Variants in DNAH3 observed in about 807,000 individuals in gnomAD.
The protein encoded by DNAH3 is dynein axonemal heavy chain 3, also known as axonemal beta dynein heavy chain 3.
DNAH3 carries 332 observed loss-of-function variants against 432.5 expected under a neutral mutation model. The ratio of observed to expected loss-of-function variants is 0.77; its 90% CI spans 0.70 to 0.84. The LOEUF (loss-of-function observed/expected upper bound fraction) is 0.84. Ranked by LOEUF, DNAH3 falls within the 40% of genes least tolerant of loss-of-function variation. DNAH3 has a pLI of 0.00. For synonymous variants in DNAH3, 1,956 were observed against 1,900.2 expected, an observed-to-expected ratio of 1.03 and a Z score of -0.76; for missense variants, 4,861 against 5,114.0, an observed-to-expected ratio of 0.95 and a Z score of 1.51.
intron 28 of DNAH3, 131 bp downstream of exon 28, chr16:21,054,289 C>G (rs1156846154): frequency 4.4e-6 from 3 of 679,324 alleles, no homozygotes; most frequent in Admixed American, 2.9e-5. Context: ...TCATCTTACT[C>G]TCAGTTGGAG....
At chr16:21,056,338 C>T (rs2090130913) in intron 27 of DNAH3, among the ~76,000 whole-genome samples, 1 of 151,668 alleles carries the variant, frequency 6.6e-6, no homozygotes, top group Admixed American at 6.6e-5. Context: ...TCCTAACTTC[C>T]CTCCCCTCAC....
intron 41 of DNAH3, among the ~76,000 whole-genome samples, chr16:21,013,719 C>CAAAAAAA (rs557641711): frequency 4.2e-5 from 2 of 47,396 alleles, no homozygotes; most frequent in African/African-American, 1.7e-4. Flanking sequence ...AACTCCATCT[C>CAAAAAAA]AAAAAAAAAA....
intron 15 of DNAH3, among the ~76,000 whole-genome samples, chr16:21,105,249 G>A (rs2091920454): frequency 6.6e-6 from 1 of 151,202 alleles, no homozygotes; most frequent in Non-Finnish European, 1.5e-5. Context: ...ACCTCCCCCT[G>A]ACATCCATAC....
Position 20,953,162 on chromosome 16 carries a change from TG to T in DNAH3, c.11072-614del, listed in dbSNP as rs1173764928. 1.3e-4 allele frequency among the ~76,000 whole-genome samples: 19 copies of T among 149,490 alleles called. No homozygotes were observed. In the East Asian group the frequency reaches 3.0e-3, roughly 24 times the overall value. ...TTGTTTGTTTTGTTTTTTTGTTTGTTGTTTTTTTTTTTTGGAGACAGAGTCT... is the reference window on the plus strand; with the variant it reads ...TTGTTTGTTTTGTTTTTTTGTTTGTTTTTTTTTTTTTTGGAGACAGAGTCT... On this transcript the variant is annotated intron_variant, in intron 55 of 61. Transcript: ENST00000261383.
At chr16:20,945,576 C>T (rs142247393) in intron 57 of DNAH3, among the ~76,000 whole-genome samples, 23 of 151,958 alleles carry the variant, frequency 1.5e-4, no homozygotes, top group African/African-American at 1.4e-4. Context: ...CTGTAACCTC[C>T]GCCTCCTGGA....
At chr16:20,954,231 A>G (rs2084453313) in intron 55 of DNAH3, among the ~76,000 whole-genome samples, 2 of 151,492 alleles carry the variant, frequency 1.3e-5, no homozygotes, top group Non-Finnish European at 2.9e-5. Flanking sequence ...TCAAAAAAAA[A>G]AAAAAAAATT....
intron 57 of DNAH3, among the ~76,000 whole-genome samples, chr16:20,948,174 C>T (rs533535896): frequency 2.0e-5 from 3 of 152,138 alleles, no homozygotes; most frequent in Non-Finnish European, 4.4e-5. Context: ...TCTGAATCTT[C>T]GTCTTCAAGT....
intron 61 of DNAH3, 104 bp downstream of exon 61, chr16:20,935,244 C>T: frequency 7.4e-7 from 1 of 1,357,018 alleles, no homozygotes. Flanking sequence ...ATTTCAGAAG[C>T]ATTTGGGTCT....
intron 57 of DNAH3, among the ~76,000 whole-genome samples, chr16:20,945,552 A>G (rs980581395): frequency 6.7e-6 from 1 of 150,050 alleles, no homozygotes; most frequent in Admixed American, 6.7e-5. Flanking sequence ...GTGCAGTGGT[A>G]CTATCTTGGC....
At chr16:20,933,116 T>G in exon 62 of DNAH3, 2 of 1,567,874 alleles carry the variant, frequency 1.3e-6, no homozygotes, top group Non-Finnish European at 1.7e-6. Flanking sequence ...ACAAAAAGAA[T>G]GAAATGCTTT....
chr16:21,146,629 T>C (rs989627827), intron 1 of DNAH3, among the ~76,000 whole-genome samples: 4 of 152,236 alleles, frequency 2.6e-5, no homozygotes, highest in African/African-American at 9.6e-5. Context: ...CTCATAGCGT[T>C]GTTCAAGAAT....
chr16:21,140,968 G>A (rs144454915), intron 4 of DNAH3, among the ~76,000 whole-genome samples: 81 of 152,012 alleles, frequency 5.3e-4, no homozygotes, highest in East Asian at 1.5e-3. Context: ...GTGAAACCAC[G>A]TCTCTACTAA....
At chr16:21,134,749 C>T (rs1467210587) in intron 6 of DNAH3, among the ~76,000 whole-genome samples, 1 of 152,086 alleles carries the variant, frequency 6.6e-6, no homozygotes, top group East Asian at 1.9e-4. Flanking sequence ...GGTTCAATCT[C>T]AGCTCACTGC....
At chr16:20,985,091 A>T in exon 48 of DNAH3, 1 of 1,612,822 alleles carries the variant, frequency 6.2e-7, no homozygotes, top group Non-Finnish European at 8.5e-7. Flanking sequence ...TCAATAAAGA[A>T]GTTATACATA....
chr16:20,984,963 T>A (rs533933297), intron 48 of DNAH3, 86 bp downstream of exon 48: 2 of 1,143,514 alleles, frequency 1.7e-6, no homozygotes, highest in Non-Finnish European at 2.5e-6. Flanking sequence ...CCTGGGACCA[T>A]TGTAAGGGAT....
At chr16:21,129,567 CAAA>C (rs555280776) in intron 7 of DNAH3, among the ~76,000 whole-genome samples, 4 of 78,048 alleles carry the variant, frequency 5.1e-5, no homozygotes, top group Middle Eastern at 7.9e-3. Flanking sequence ...CCTATCTCTA[CAAA>C]AAAAAAAAAA....
At chr16:21,154,142 G>A (rs933100715) in intron 1 of DNAH3, among the ~76,000 whole-genome samples, 10 of 152,198 alleles carry the variant, frequency 6.6e-5, no homozygotes, top group African/African-American at 2.4e-4. Context: ...GGTGGCCCAT[G>A]CCTATAATCC....
At chr16:21,067,250 T>C (rs142401377) in intron 24 of DNAH3, 33 bp downstream of exon 24, 280 of 1,612,478 alleles carry the variant, frequency 1.7e-4, no homozygotes, top group Middle Eastern at 1.0e-3. Flanking sequence ...GGGGCAAGAA[T>C]GTAATTCCAA....
intron 53 of DNAH3, 81 bp from the exon 54 acceptor site, chr16:20,959,485 C>T (rs2084716695): frequency 4.3e-6 from 6 of 1,407,276 alleles, no homozygotes; most frequent in Non-Finnish European, 5.0e-6. Context: ...ACAATAACAA[C>T]ATGGCTGGGT....
Sources: allele counts gnomAD v4.1 joint callset (sites outside exome capture counted in the v4.1 genomes callset), GRCh38; gene constraint gnomAD v4.1.1; transcripts MANE v1.5; gene names NCBI Gene and HGNC (gene_info 2026-07-23, HGNC 2026-07-21).